SORBS2: variants seen among roughly 807,000 people sequenced by gnomAD.
The protein encoded by SORBS2 is sorbin and SH3 domain-containing protein 2.
SORBS2 carries 46 observed loss-of-function variants against 97.7 expected under a neutral mutation model. The ratio of observed to expected loss-of-function variants is 0.47; its 90% CI spans 0.37 to 0.60. The LOEUF is 0.60. Ranked by LOEUF, SORBS2 falls within the 20% of genes least tolerant of loss-of-function variation. The pLI, the probability that SORBS2 is intolerant of heterozygous loss-of-function variation, is 0.00. For missense variants in SORBS2, 1,316 were observed against 1,282.3 expected (o/e 1.03, Z -0.40); for synonymous variants, 476 against 473.4 (o/e 1.01, Z -0.07).
chr4:185,788,689 A>G (rs552892663), intron 1 of SORBS2, among the ~76,000 whole-genome samples: 81 of 152,304 alleles, frequency 5.3e-4, no homozygotes, highest in African/African-American at 1.9e-3. Flanking sequence ...AAAGACAGAG[A>G]AAGACTCAAT....
At position 185,894,442 on chromosome 4, in the gene SORBS2, A is replaced by T. The variant is rs181757651; in HGVS notation, c.-338+61754T>A. ...TTAGTAGTAATCATCAAAAATAAAA[A>T]TCGATTTGAAAATTTCTGTGTAGGT... On this transcript the variant is annotated intron_variant, in intron 1 of 20. Transcript: ENST00000284776. 59 of 152,290 alleles carry T rather than the reference A, an allele frequency of 3.9e-4. No individual in the cohort carries two copies. In the East Asian group the frequency reaches 0.011, roughly 29 times the overall value. 9.4% of individuals were successfully genotyped at this position (152,290 alleles called of 1,614,324 possible). A position where few individuals can be genotyped will look rare whatever the true frequency, so the allele number is the denominator to read the frequency against.
intron 1 of SORBS2, among the ~76,000 whole-genome samples, chr4:185,854,634 TG>T (rs1268467240): frequency 6.6e-6 from 1 of 152,214 alleles, no homozygotes; most frequent in African/African-American, 2.4e-5. Context: ...GAATGAAATC[TG>T]TCTACTGTGA....
At chr4:185,888,059 A>ATATTATTATTATTATTATTAT (rs148021041) in intron 1 of SORBS2, among the ~76,000 whole-genome samples, 1,630 of 148,898 alleles carry the variant, frequency 0.011, 25 homozygotes, top group Middle Eastern at 0.035. Context: ...CTGACATTCT[A>ATATTATTATTATTATTATTAT]TATTATTATT....
At chr4:185,755,487 CA>C (rs1260990441) in intron 2 of SORBS2, among the ~76,000 whole-genome samples, 16 of 152,188 alleles carry the variant, frequency 1.1e-4, no homozygotes, top group African/African-American at 3.6e-4. Context: ...AGATGTTTGG[CA>C]TGGAAGACAG....
chr4:185,711,356 T>G (rs1279400950), intron 2 of SORBS2, among the ~76,000 whole-genome samples: 1 of 152,176 alleles, frequency 6.6e-6, no homozygotes, highest in African/African-American at 2.4e-5. Flanking sequence ...TTAAACAAGA[T>G]AGTAATTGTG....
At chr4:185,836,703 A>ACACTACACTGTGTAACTATAAGG (rs1390569837) in intron 1 of SORBS2, among the ~76,000 whole-genome samples, 1 of 152,208 alleles carries the variant, frequency 6.6e-6, no homozygotes, top group Non-Finnish European at 1.5e-5. Flanking sequence ...CCAGAGCTTG[A>ACACTACACTGTGTAACTATAAGG]CACTACACTG....
At chr4:185,812,324 T>C (rs1027941442) in intron 1 of SORBS2, 130 bp from the exon 1 acceptor site, 2 of 152,258 alleles carry the variant, frequency 1.3e-5, no homozygotes, top group Non-Finnish European at 2.9e-5. Flanking sequence ...TGGCTGATCA[T>C]GTGCAGCACA....
chr4:185,937,650 T>G (rs566651508), intron 1 of SORBS2, among the ~76,000 whole-genome samples: 2 of 152,238 alleles, frequency 1.3e-5, no homozygotes, highest in African/African-American at 4.8e-5. Context: ...TACAGGCTCC[T>G]GATTCGAAAG....
rs181144950 is a variant in SORBS2, at chr4:185,595,339, A to G, written c.2797-1404T>C. Among the ~76,000 whole-genome samples, 364 of 152,346 alleles carry G rather than the reference A, an allele frequency of 2.4e-3. 3 individuals are homozygous for G. Among genetic ancestry groups the G allele is most frequent in the African/African-American group, 8.2e-3 (342 of 41,592 alleles). Reference sequence around the variant, plus strand: ...TGAAATAGTTTACTCCTGTAAATCAATATGACTACTAATGATGTATCTATT... The same window carrying G: ...TGAAATAGTTTACTCCTGTAAATCAGTATGACTACTAATGATGTATCTATT... On this transcript the variant is annotated intron_variant, in intron 12 of 14. Coordinates refer to ENST00000418609, the Ensembl canonical transcript of SORBS2.
intron 2 of SORBS2, among the ~76,000 whole-genome samples, chr4:185,704,926 T>C (rs1347631111): frequency 2.6e-5 from 4 of 152,238 alleles, no homozygotes; most frequent in African/African-American, 9.6e-5. Context: ...GCAGGAGTTA[T>C]ACTGTTGCTT....
intron 1 of SORBS2, among the ~76,000 whole-genome samples, chr4:185,856,447 C>T (rs992135638): frequency 6.6e-5 from 10 of 152,144 alleles, no homozygotes; most frequent in Admixed American, 3.3e-4. Context: ...TCACTTCTTC[C>T]CTGAAACTCC....
At chr4:185,593,676 T>C in intron 13 of SORBS2, 1 of 532,034 alleles carries the variant, frequency 1.9e-6, no homozygotes, top group South Asian at 2.6e-5. Context: ...TCAATTAAAA[T>C]CTTCTCAGAG....
chr4:185,685,488 T>C (rs1418984639), intron 2 of SORBS2, among the ~76,000 whole-genome samples: 1 of 152,206 alleles, frequency 6.6e-6, no homozygotes, highest in Non-Finnish European at 1.5e-5. Context: ...ATATATGGTA[T>C]CGAAATGACC....
intron 1 of SORBS2, among the ~76,000 whole-genome samples, chr4:185,805,965 A>G (rs554605287): frequency 6.6e-6 from 1 of 152,308 alleles, no homozygotes; most frequent in East Asian, 1.9e-4. Flanking sequence ...ATAATCTACC[A>G]AAAAGGCTCA....
intron 4 of SORBS2, among the ~76,000 whole-genome samples, chr4:185,676,136 G>T (rs2097786051): frequency 1.3e-5 from 2 of 152,296 alleles, no homozygotes; most frequent in South Asian, 2.1e-4. Context: ...GTCATTGAGT[G>T]CTTGCTCTAG....
chr4:185,807,966 G>GA (rs1266982826), intron 1 of SORBS2, among the ~76,000 whole-genome samples: 1 of 152,068 alleles, frequency 6.6e-6, no homozygotes, highest in Non-Finnish European at 1.5e-5. Context: ...ACTTAAAATA[G>GA]AAAATGTTAG....
At chr4:185,841,045 C>T (rs930975907) in intron 1 of SORBS2, among the ~76,000 whole-genome samples, 1 of 151,928 alleles carries the variant, frequency 6.6e-6, no homozygotes, top group African/African-American at 2.4e-5. Flanking sequence ...GCTTAGAAGG[C>T]AACGTGGGTG....
At chr4:185,640,132 A>T (rs2097102430) in intron 4 of SORBS2, among the ~76,000 whole-genome samples, 1 of 152,348 alleles carries the variant, frequency 6.6e-6, no homozygotes, top group South Asian at 2.1e-4. Context: ...ATGATAGAAA[A>T]GTTTGAGGCA....
chr4:185,951,844 G>T (rs1409975900), intron 1 of SORBS2, among the ~76,000 whole-genome samples: 1 of 152,184 alleles, frequency 6.6e-6, no homozygotes, highest in Non-Finnish European at 1.5e-5. Flanking sequence ...GGGTTAGTGA[G>T]TTGAACAAAT....
Sources: gnomAD v4.1 joint callset for allele counts (sites outside exome capture counted in the v4.1 genomes callset) on GRCh38, gnomAD v4.1.1 for gene constraint, MANE v1.5 for transcripts, NCBI Gene and HGNC (gene_info 2026-07-23, HGNC 2026-07-21) for gene names.